FOXN3: variants seen among roughly 807,000 people sequenced by gnomAD.
The protein encoded by FOXN3 is forkhead box N3.
Under a neutral mutation model 38.4 loss-of-function variants are expected in FOXN3, and 7 were observed. The ratio of observed to expected loss-of-function variants is 0.18; its 90% CI spans 0.10 to 0.34. The LOEUF (loss-of-function observed/expected upper bound fraction) is 0.34. Ranked by LOEUF, FOXN3 falls within the 10% of genes least tolerant of loss-of-function variation. FOXN3 has a pLI of 1.00. For synonymous variants in FOXN3, 230 were observed against 242.2 expected (o/e 0.95, Z 0.47); for missense variants, 456 against 613.4 (o/e 0.74, Z 2.71).
At chr14:89,363,491 G>T (rs1235886997) in intron 2 of FOXN3, among the ~76,000 whole-genome samples, 8 of 122,940 alleles carry the variant, frequency 6.5e-5, no homozygotes, top group African/African-American at 2.6e-4. Flanking sequence ...TGTCTACACT[G>T]CTAACTTGCT....
At chr14:89,418,285 A>G (rs77469415), upstream of FOXN3, among the ~76,000 whole-genome samples, 4,905 of 152,158 alleles carry the variant, frequency 0.032, 101 homozygotes, top group Non-Finnish European at 0.048. Flanking sequence ...TGAAAACTAC[A>G]GAAAAAAACA....
intron 1 of FOXN3, among the ~76,000 whole-genome samples, chr14:89,470,460 T>C (rs1223267748): frequency 1.3e-5 from 2 of 152,220 alleles, no homozygotes; most frequent in Non-Finnish European, 2.9e-5. Flanking sequence ...GCCTCAGTTT[T>C]CTCATCTATG....
intron 3 of FOXN3, among the ~76,000 whole-genome samples, chr14:89,321,465 A>G (rs1490404311): frequency 6.6e-6 from 1 of 151,898 alleles, no homozygotes; most frequent in Non-Finnish European, 1.5e-5. Flanking sequence ...AATCCCAGCT[A>G]CTTCGGGAGG....
intron 2 of FOXN3, among the ~76,000 whole-genome samples, chr14:89,355,858 G>T (rs546102507): frequency 9.2e-5 from 14 of 152,146 alleles, no homozygotes; most frequent in African/African-American, 3.4e-4. Context: ...GAGGAAGAAA[G>T]CCCCCTATTA....
At chr14:89,380,247 C>A (rs1238068739) in intron 2 of FOXN3, among the ~76,000 whole-genome samples, 1 of 152,224 alleles carries the variant, frequency 6.6e-6, no homozygotes, top group Non-Finnish European at 1.5e-5. Flanking sequence ...TCTCTCTTTG[C>A]CAGCCACCAT....
intron 4 of FOXN3, among the ~76,000 whole-genome samples, chr14:89,229,882 G>A (rs570570825): frequency 6.6e-6 from 1 of 152,344 alleles, no homozygotes; most frequent in South Asian, 2.1e-4. Context: ...GCAGGTACAG[G>A]CAGAGGAGAA....
chr14:89,260,365 G>A (rs1217264968), intron 4 of FOXN3, among the ~76,000 whole-genome samples: 1 of 152,252 alleles, frequency 6.6e-6, no homozygotes, highest in Non-Finnish European at 1.5e-5. Context: ...AGGTCTCTGG[G>A]AGAGCCCGAC....
At chr14:89,591,156 A>C (rs767498079) in intron 1 of FOXN3, among the ~76,000 whole-genome samples, 2 of 152,244 alleles carry the variant, frequency 1.3e-5, no homozygotes, top group African/African-American at 4.8e-5. Flanking sequence ...TACGACAGGC[A>C]GAAAAGGGAT....
intron 2 of FOXN3, among the ~76,000 whole-genome samples, chr14:89,359,043 C>G (rs1276242700): frequency 6.6e-6 from 1 of 152,160 alleles, no homozygotes; most frequent in East Asian, 1.9e-4. Context: ...TGCAGTGGTT[C>G]ACACCTATAA....
chr14:89,596,001 C>T (rs1896049377), intron 1 of FOXN3, among the ~76,000 whole-genome samples: 1 of 152,074 alleles, frequency 6.6e-6, no homozygotes, highest in South Asian at 2.1e-4. Context: ...CTAAATAACA[C>T]TTACTGATTT....
intron 1 of FOXN3, among the ~76,000 whole-genome samples, chr14:89,527,156 G>T (rs944630019): frequency 2.0e-5 from 3 of 151,834 alleles, no homozygotes; most frequent in African/African-American, 7.3e-5. Context: ...TTCAACAAAC[G>T]TTTCTAAAAC....
chr14:89,497,468 G>A (rs552186274), intron 1 of FOXN3, among the ~76,000 whole-genome samples: 9 of 146,378 alleles, frequency 6.1e-5, no homozygotes, highest in South Asian at 2.2e-4. Flanking sequence ...GTGCAATGGC[G>A]CGATCTCGGC....
At chr14:89,249,560 T>G (rs1885392608) in intron 4 of FOXN3, among the ~76,000 whole-genome samples, 1 of 152,236 alleles carries the variant, frequency 6.6e-6, no homozygotes. Flanking sequence ...ATTTTTCATG[T>G]AGACACAGCC....
chr14:89,481,408 G>A (rs146971837), intron 1 of FOXN3, among the ~76,000 whole-genome samples: 1 of 152,034 alleles, frequency 6.6e-6, no homozygotes, highest in Non-Finnish European at 1.5e-5. Flanking sequence ...GTGACTTCCC[G>A]GCTCGTCTTC....
At chr14:89,487,055 T>TC (rs1270097760) in intron 1 of FOXN3, among the ~76,000 whole-genome samples, 1 of 152,196 alleles carries the variant, frequency 6.6e-6, no homozygotes, top group Non-Finnish European at 1.5e-5. Flanking sequence ...AAGGCCAGCA[T>TC]TCCACCCCAC....
intron 3 of FOXN3, among the ~76,000 whole-genome samples, chr14:89,313,950 G>T (rs1224796414): frequency 6.6e-6 from 1 of 152,118 alleles, no homozygotes; most frequent in Non-Finnish European, 1.5e-5. Context: ...CGTAGAAACA[G>T]AAAGTAGAAT....
chr14:89,322,349 T>C (rs1365309165), intron 3 of FOXN3, among the ~76,000 whole-genome samples: 2 of 152,254 alleles, frequency 1.3e-5, no homozygotes, highest in East Asian at 1.9e-4. Context: ...CATCTATCAG[T>C]AGATGGTTAT....
chr14:89,255,274 A>T (rs1566939959), intron 4 of FOXN3, among the ~76,000 whole-genome samples: 1 of 152,220 alleles, frequency 6.6e-6, no homozygotes. Flanking sequence ...CAAATGCGGC[A>T]TTTCAACTGA....
intron 4 of FOXN3, among the ~76,000 whole-genome samples, chr14:89,199,320 G>A (rs1888177333): frequency 6.6e-6 from 1 of 152,142 alleles, no homozygotes. Flanking sequence ...CTGATGAGCA[G>A]GATTTTAGGG....
Sources: gnomAD v4.1 joint callset for allele counts (sites outside exome capture counted in the v4.1 genomes callset) on GRCh38, gnomAD v4.1.1 for gene constraint, MANE v1.5 for transcripts, NCBI Gene and HGNC (gene_info 2026-07-23, HGNC 2026-07-21) for gene names.